The following KALRN variants were observed in gnomAD, a reference collection of about 807,000 sequenced individuals.
KALRN encodes the protein kalirin.
KALRN carries 70 observed loss-of-function variants against 353.7 expected under a neutral mutation model. The observed-to-expected ratio is 0.20, with a 90% CI of 0.16 to 0.24. The LOEUF is 0.24. Among genes scored for constraint, KALRN ranks in the 10% least tolerant of loss-of-function variants. The pLI is 1.00. For missense variants in KALRN, 2,791 were observed against 3,756.7 expected (o/e 0.74, Z 6.72); for synonymous variants, 1,391 against 1,434.8 (o/e 0.97, Z 0.69).
chr3:124,168,374 G>A (rs991907246), intron 1 of KALRN, among the ~76,000 whole-genome samples: 1 of 152,172 alleles, frequency 6.6e-6, no homozygotes, highest in Non-Finnish European at 1.5e-5. Context: ...GTTGCCATTG[G>A]CAACTGATTG....
chr3:124,531,164 A>G (rs760110593), intron 33 of KALRN, among the ~76,000 whole-genome samples: 1 of 152,218 alleles, frequency 6.6e-6, no homozygotes. Flanking sequence ...ACCAATGACC[A>G]GAACTAGTCA....
Position 124,449,700 on chromosome 3 carries a change from A to T in KALRN, c.3552+2815A>T, listed in dbSNP as rs2058590690. Among the ~76,000 whole-genome samples the T allele has an allele frequency of 2.0e-5, 3 of 152,340 alleles. 1 individual carries two copies. In the South Asian group the frequency reaches 6.2e-4, roughly 32 times the overall value. On this transcript the variant is annotated intron_variant, in intron 21 of 59. Transcript: ENST00000682506. Reference sequence around the variant, plus strand: ...TCATGCCCATTAGCAGTCACTCTGCATTCCCTACTCTCCTCAACCCCTGGC... The same window carrying T: ...TCATGCCCATTAGCAGTCACTCTGCTTTCCCTACTCTCCTCAACCCCTGGC...
At chr3:124,226,969 G>A (rs1340698867) in intron 1 of KALRN, among the ~76,000 whole-genome samples, 9 of 152,178 alleles carry the variant, frequency 5.9e-5, no homozygotes, top group Admixed American at 5.9e-4. Flanking sequence ...AGAGACCCCA[G>A]TTATAGCTCG....
intron 49 of KALRN, chr3:124,675,125 G>A (rs918967224): frequency 1.3e-5 from 2 of 152,112 alleles, no homozygotes; most frequent in East Asian, 1.9e-4. Context: ...TTGGTTGTCT[G>A]TGGCAATTCC....
intron 7 of KALRN, among the ~76,000 whole-genome samples, chr3:124,327,585 A>G (rs2080054635): frequency 1.3e-5 from 2 of 152,222 alleles, no homozygotes; most frequent in South Asian, 4.1e-4. Flanking sequence ...TATGTAATAT[A>G]TAGTCATATA....
intron 57 of KALRN, among the ~76,000 whole-genome samples, chr3:124,705,653 C>T (rs1296770004): frequency 1.3e-5 from 2 of 152,116 alleles, no homozygotes; most frequent in Non-Finnish European, 2.9e-5. Flanking sequence ...AGCCTGCCAT[C>T]CTTACCTGGA....
At chr3:124,056,184 T>C (rs1026652488) in intron 1 of KALRN, among the ~76,000 whole-genome samples, 1 of 152,250 alleles carries the variant, frequency 6.6e-6, no homozygotes, top group Non-Finnish European at 1.5e-5. Flanking sequence ...GTCTTGTGTA[T>C]GCTGTAGTTG....
chr3:124,057,705 C>T (rs907130546), intron 1 of KALRN, among the ~76,000 whole-genome samples: 1 of 152,174 alleles, frequency 6.6e-6, no homozygotes, highest in Non-Finnish European at 1.5e-5. Context: ...TTGATGTCAT[C>T]AGCTGCTGCC....
intron 25 of KALRN, among the ~76,000 whole-genome samples, chr3:124,466,033 TC>T (rs2060303316): frequency 1.1e-5 from 1 of 87,304 alleles, no homozygotes; most frequent in African/African-American, 4.2e-5. Context: ...TCTCTCTTGC[TC>T]TGTGTGTGTG....
chr3:124,525,569 G>C (rs983613655), intron 33 of KALRN, among the ~76,000 whole-genome samples: 1 of 152,176 alleles, frequency 6.6e-6, no homozygotes, highest in Non-Finnish European at 1.5e-5. Flanking sequence ...ATAGCACTCT[G>C]AGTGTTGCTC....
rs771507793 is a variant in KALRN, at chr3:124,694,342, A to G, written c.7416A>G (p.Glu2472=). The G allele has an allele frequency of 1.9e-6, 3 of 1,613,978 alleles. No homozygotes were observed. Among genetic ancestry groups the G allele is most frequent in the Middle Eastern group, 1.6e-4 (1 of 6,062 alleles). ...TTGATTTGATCACAGTGGCCCCAGA[A>G]TTCCTTGTGCCCTTGGTGGATGTGA... is the stretch of plus-strand genomic sequence containing the variant. ...NPNFIQEVAP[E]FLVPLVDVTC... is the part of the protein sequence containing the mutation. Residue 2472 remains glutamate, a synonymous_variant, in exon 53 of 60, where the codon GAA becomes GAG. Coordinates refer to ENST00000682506, the MANE Select transcript of KALRN (RefSeq NM_001388419.1).
At chr3:124,520,658 T>A (rs1178386321) in intron 33 of KALRN, among the ~76,000 whole-genome samples, 1 of 152,164 alleles carries the variant, frequency 6.6e-6, no homozygotes, top group Non-Finnish European at 1.5e-5. Flanking sequence ...GGCACTCCCA[T>A]GAGCTAGTAA....
In KALRN at chr3:124,288,830, T is replaced by G. The variant is rs140493104; in HGVS notation, c.970-9961T>G. Among the ~76,000 whole-genome samples, 657 of 152,026 alleles carry G rather than the reference T, an allele frequency of 4.3e-3. 8 individuals carry two copies. Among genetic ancestry groups the G allele is most frequent in the Admixed American group, 0.035 (542 of 15,270 alleles). ...CATATTCCAGAGTTATTTGAGAAAATAGAGAAAAAGTTAGCTCTGAGGGAT... is the reference window on the plus strand; with the variant it reads ...CATATTCCAGAGTTATTTGAGAAAAGAGAGAAAAAGTTAGCTCTGAGGGAT... On this transcript the variant is annotated intron_variant, in intron 5 of 59. Coordinates refer to ENST00000682506, the MANE Select transcript of KALRN (RefSeq NM_001388419.1).
intron 48 of KALRN, among the ~76,000 whole-genome samples, 159 bp from the exon 49 acceptor site, chr3:124,674,205 T>C (rs1223025824): frequency 6.6e-6 from 1 of 152,170 alleles, no homozygotes; most frequent in Non-Finnish European, 1.5e-5. Context: ...TTTCAGAGCA[T>C]GTTTATTAAT....
At chr3:124,444,750 A>G (rs541256830) in intron 19 of KALRN, among the ~76,000 whole-genome samples, 1 of 149,852 alleles carries the variant, frequency 6.7e-6, no homozygotes, top group Non-Finnish European at 1.5e-5. Flanking sequence ...TGAGGCTGCA[A>G]TGAGCTATGA....
intron 3 of KALRN, among the ~76,000 whole-genome samples, chr3:124,238,795 C>T (rs139559230): frequency 1.6e-4 from 25 of 152,324 alleles, no homozygotes; most frequent in African/African-American, 5.3e-4. Context: ...CTGACTTATT[C>T]GTTCAGCGTC....
At chr3:124,657,233 G>A (rs1402374122) in intron 39 of KALRN, among the ~76,000 whole-genome samples, 1 of 152,282 alleles carries the variant, frequency 6.6e-6, no homozygotes, top group African/African-American at 2.4e-5. Flanking sequence ...TAAGGGGACT[G>A]GAGACAAAGA....
chr3:124,345,339 G>A (rs1329746985), intron 9 of KALRN, among the ~76,000 whole-genome samples: 1 of 152,178 alleles, frequency 6.6e-6, no homozygotes, highest in Admixed American at 6.5e-5. Flanking sequence ...GCATGCTGAA[G>A]CTCATAACTC....
intron 51 of KALRN, among the ~76,000 whole-genome samples, chr3:124,681,981 C>A (rs1026223771): frequency 2.6e-5 from 4 of 152,162 alleles, no homozygotes; most frequent in South Asian, 2.1e-4. Context: ...TAACTTTGAG[C>A]ACATGAGCAA....
Sources: allele counts gnomAD v4.1 joint callset (sites outside exome capture counted in the v4.1 genomes callset), GRCh38; gene constraint gnomAD v4.1.1; transcripts MANE v1.5; gene names NCBI Gene and HGNC (gene_info 2026-07-23, HGNC 2026-07-21).